MMEL1: variants seen among roughly 807,000 people sequenced by gnomAD.
The protein encoded by MMEL1 is membrane metallo-endopeptidase-like 1.
In MMEL1, 98 loss-of-function variants were observed where a neutral mutation model predicts 117.1. That is an observed-to-expected ratio of 0.84 (90% CI 0.71 to 0.99). The LOEUF (loss-of-function observed/expected upper bound fraction) is 0.99, where lower values mean the gene tolerates loss of function less well. Among genes scored for constraint, MMEL1 ranks in the 50% least tolerant of loss-of-function variants. MMEL1 has a pLI of 0.00. For missense variants in MMEL1, 1,014 were observed against 1,049.1 expected, an observed-to-expected ratio of 0.97 and a Z score of 0.46; for synonymous variants, 390 against 415.1, an observed-to-expected ratio of 0.94 and a Z score of 0.74.
intron 2 of MMEL1, among the ~76,000 whole-genome samples, chr1:2,620,445 G>A (rs1645272396): frequency 6.6e-6 from 1 of 152,188 alleles, no homozygotes; most frequent in African/African-American, 2.4e-5. Context: ...CTGATCACAA[G>A]CAAGGTCTCA....
At chr1:2,594,011 C>T in intron 18 of MMEL1, 78 bp from the exon 19 acceptor site, 1 of 1,488,500 alleles carries the variant, frequency 6.7e-7, no homozygotes, top group Middle Eastern at 1.8e-4. Context: ...ATGGCGCTGC[C>T]AGGGGTTCTG....
chr1:2,595,262 G>T lies in MMEL1; in HGVS notation c.1584+14C>A. ...GGTGTGGGGGGCAGTTTAGGGCTGG[G>T]GTTGGGGGCGCACATTGGAGTACTC... On this transcript the variant is annotated intron_variant, in intron 16 of 23. Coordinates refer to ENST00000378412, the MANE Select transcript of MMEL1 (RefSeq NM_033467.4). This position sits in a 1 kb window ranked among gnomAD's most constrained non-coding sequence, Gnocchi z 4.8. 2 of 1,611,958 alleles carry T rather than the reference G, an allele frequency of 1.2e-6. No individual in the cohort carries two copies. Among genetic ancestry groups the T allele is most frequent in the Middle Eastern group, 1.7e-4 (1 of 6,054 alleles).
intron 2 of MMEL1, among the ~76,000 whole-genome samples, chr1:2,628,157 G>A (rs957824679): frequency 1.4e-4 from 22 of 152,190 alleles, no homozygotes; most frequent in Non-Finnish European, 2.8e-4. Flanking sequence ...CAGTGTGAGT[G>A]AGCCTTTCCC....
At position 2,593,738 on chromosome 1, in the gene MMEL1, G is replaced by T. The variant is rs561333844; in HGVS notation, c.1867+76C>A. The T allele has an allele frequency of 2.3e-5, 34 of 1,473,364 alleles. No homozygotes were observed. In the Middle Eastern group the frequency reaches 5.8e-4, roughly 25 times the overall value. The allele number at this position is 1,473,364 out of a possible 1,614,324, so 91.3% of individuals were successfully genotyped here. On this transcript the variant is annotated intron_variant, in intron 19 of 23. Transcript: ENST00000378412. ...TGAAACCGTGAAGGGGTTGAATGGA[G>T]CGCCCCCAGGCCCCTTCCTGGCTGC...
intron 2 of MMEL1, among the ~76,000 whole-genome samples, chr1:2,620,235 A>C (rs1294106236): frequency 6.6e-6 from 1 of 152,222 alleles, no homozygotes; most frequent in Non-Finnish European, 1.5e-5. Flanking sequence ...CTCTGAAGCC[A>C]CGTCTGAACA....
chr1:2,612,347 G>A lies in MMEL1; in HGVS notation c.155-143C>T. The A allele has an allele frequency of 1.5e-6, 1 of 655,574 alleles. No homozygotes were observed. Among genetic ancestry groups the A allele is most frequent in the Non-Finnish European group, 2.6e-6 (1 of 378,660 alleles). 40.6% of individuals were successfully genotyped at this position (655,574 alleles called of 1,614,324 possible). The stretch of plus-strand genomic sequence containing the variant: ...CCTGTAGTGAGGGCTGGTCCCCAGG[G>A]CAGCGAGACAGGAGATCCACAGAGT... On this transcript the variant is annotated intron_variant, in intron 2 of 23. Coordinates refer to ENST00000378412, the MANE Select transcript of MMEL1 (RefSeq NM_033467.4). This position sits in a 1 kb window ranked among gnomAD's most constrained non-coding sequence, Gnocchi z 5.4.
intron 2 of MMEL1, among the ~76,000 whole-genome samples, chr1:2,615,912 T>C (rs982438460): frequency 1.3e-5 from 2 of 152,156 alleles, no homozygotes; most frequent in African/African-American, 2.4e-5. Context: ...GATATAAATC[T>C]ACCCCAAGAA....
At chr1:2,630,762 TTA>T (rs899843338) in intron 1 of MMEL1, among the ~76,000 whole-genome samples, 1 of 140,276 alleles carries the variant, frequency 7.1e-6, no homozygotes, top group Non-Finnish European at 1.5e-5. Flanking sequence ...TGCATGTGCA[TTA>T]TGTGGATATG....
intron 10 of MMEL1, 27 bp downstream of exon 10, chr1:2,604,120 G>GCGGGCCCCCCCCCCCCCC: frequency 7.5e-7 from 1 of 1,330,074 alleles, no homozygotes; most frequent in Non-Finnish European, 1.1e-6. Flanking sequence ...CTCGCTGCCC[G>GCGGGCCCCCCCCCCCCCC]CTCCCCACCC....
rs145190790 is a variant in MMEL1, at chr1:2,612,408, G to A, written c.155-204C>T. 3.5e-4 allele frequency among the ~76,000 whole-genome samples: 53 copies of A among 152,216 alleles called. No individual in the cohort carries two copies. Among genetic ancestry groups the A allele is most frequent in the African/African-American group, 1.3e-3 (53 of 41,524 alleles). ...GGCCAGCTTCAATCTGTGTCCTGCT[G>A]GGCTTGAATGGGGGGCGGTTTGCCC... is the stretch of plus-strand genomic sequence containing the variant. On this transcript the variant is annotated intron_variant, in intron 2 of 23. Transcript: ENST00000378412. The surrounding 1 kb of genome is among the most constrained non-coding windows in gnomAD (Gnocchi z 5.4).
intron 1 of MMEL1, among the ~76,000 whole-genome samples, chr1:2,630,974 C>T (rs564240309): frequency 1.4e-5 from 2 of 147,162 alleles, no homozygotes; most frequent in Admixed American, 6.7e-5. Flanking sequence ...CGTGTGTGCA[C>T]GTGTGTGACT....
chr1:2,629,552 G>A (rs1638446294), intron 1 of MMEL1, 31 bp from the exon 2 acceptor site: 9 of 1,388,480 alleles, frequency 6.5e-6, no homozygotes, highest in Non-Finnish European at 7.5e-6. Flanking sequence ...AGAGGGGAGA[G>A]GGGCGTGGAG....
At chr1:2,623,400 C>G (rs1215788805) in intron 2 of MMEL1, among the ~76,000 whole-genome samples, 1 of 152,054 alleles carries the variant, frequency 6.6e-6, no homozygotes, top group Non-Finnish European at 1.5e-5. Context: ...CAAGAAAAAG[C>G]CAAAGAAACT....
At chr1:2,627,138 T>C (rs1469492974) in intron 2 of MMEL1, among the ~76,000 whole-genome samples, 3 of 152,282 alleles carry the variant, frequency 2.0e-5, no homozygotes, top group Admixed American at 6.5e-5. Context: ...AAACGGTGAC[T>C]ACACAGTTTC....
chr1:2,620,160 C>T (rs1045628061), intron 2 of MMEL1, among the ~76,000 whole-genome samples: 1 of 152,284 alleles, frequency 6.6e-6, no homozygotes, highest in African/African-American at 2.4e-5. Context: ...ACAAAGAGAA[C>T]ATAGCTCAAG....
intron 17 of MMEL1, 64 bp from the exon 18 acceptor site, chr1:2,594,507 T>C: frequency 1.3e-6 from 2 of 1,521,446 alleles, no homozygotes; most frequent in Non-Finnish European, 1.8e-6. Context: ...GGGCTCTCTC[T>C]GCCTTGATGG....
At chr1:2,611,823 C>T (rs1335638838) in intron 3 of MMEL1, among the ~76,000 whole-genome samples, 1 of 152,236 alleles carries the variant, frequency 6.6e-6, no homozygotes, top group Non-Finnish European at 1.5e-5. Context: ...TCCAGGCAGC[C>T]TGCCTTGCTG....
chr1:2,591,793 T>TC lies in MMEL1; in HGVS notation c.2163+138dup, dbSNP rs532831563. 6 of 1,059,686 alleles carry TC rather than the reference T, an allele frequency of 5.7e-6. No individual in the cohort carries two copies. In the South Asian group the frequency reaches 8.2e-5, roughly 14 times the overall value. 65.6% of individuals were successfully genotyped at this position (1,059,686 alleles called of 1,614,324 possible). ...CATCAGCATTGAAATCCTGTCCAGCTCCCGCCCCCTGCCCCTCATGCTTTT... is the reference window on the plus strand; with the variant it reads ...CATCAGCATTGAAATCCTGTCCAGCTCCCCGCCCCCTGCCCCTCATGCTTTT... On this transcript the variant is annotated intron_variant, in intron 22 of 23. Transcript: ENST00000378412.
chr1:2,606,909 C>G (rs1021394190), intron 7 of MMEL1, 65 bp downstream of exon 7: 36 of 1,469,902 alleles, frequency 2.4e-5, no homozygotes, highest in Non-Finnish European at 3.3e-5. Context: ...GGCCTCAGAC[C>G]GAAGGAGCCC....
Sources: gnomAD v4.1 joint callset for allele counts (sites outside exome capture counted in the v4.1 genomes callset) on GRCh38, gnomAD v4.1.1 for gene constraint, Gnocchi (gnomAD v3.1) non-coding constraint, MANE v1.5 for transcripts, NCBI Gene and HGNC (gene_info 2026-07-23, HGNC 2026-07-21) for gene names.